Variants in MARK3 observed in about 807,000 individuals in gnomAD.
The protein encoded by MARK3 is microtubule affinity regulating kinase 3, also known as MAP/microtubule affinity-regulating kinase 3.
A neutral mutation model predicts 90.1 loss-of-function variants in MARK3; 46 were observed. The ratio of observed to expected loss-of-function variants is 0.51; its 90% confidence interval spans 0.40 to 0.65. The LOEUF (loss-of-function observed/expected upper bound fraction) is 0.65. Ranked by LOEUF, MARK3 falls within the 30% of genes least tolerant of loss-of-function variation. The pLI is 0.00. For missense variants in MARK3, 818 were observed against 947.2 expected (o/e 0.86, Z 1.79); for synonymous variants, 321 against 332.6 (o/e 0.97, Z 0.38).
At chr14:103,464,406 C>T (rs1239939529) in intron 7 of MARK3, among the ~76,000 whole-genome samples, 3 of 148,772 alleles carry the variant, frequency 2.0e-5, no homozygotes, top group Non-Finnish European at 4.4e-5. Flanking sequence ...TCAAGCGATT[C>T]TCCTGCCTCA....
intron 14 of MARK3, chr14:103,491,081 C>G (rs1225160112): frequency 2.3e-6 from 3 of 1,281,568 alleles, no homozygotes; most frequent in East Asian, 1.1e-4. Flanking sequence ...CTCCAATAGA[C>G]AGTGAAGGAG....
chr14:103,480,117 CT>C (rs1315196498), intron 13 of MARK3, among the ~76,000 whole-genome samples: 1 of 151,752 alleles, frequency 6.6e-6, no homozygotes, highest in Non-Finnish European at 1.5e-5. Flanking sequence ...AACACTGCAT[CT>C]CAAAAAAGAA....
chr14:103,452,450 G>A (rs1012461857), intron 5 of MARK3, among the ~76,000 whole-genome samples: 5 of 147,260 alleles, frequency 3.4e-5, no homozygotes, highest in African/African-American at 1.2e-4. Flanking sequence ...CCTCATACAA[G>A]TGGAATTTTA....
Position 103,419,410 on chromosome 14 carries a change from AT to A in MARK3, c.244-8975del, listed in dbSNP as rs1201025815. On this transcript the variant is annotated intron_variant, in intron 2 of 17. Coordinates refer to ENST00000429436, the MANE Select transcript of MARK3 (RefSeq NM_001128918.3). ...CTTAGGAAACTTAAAATATATATTA[AT>A]TCATCAAAAATAATAATCCTGTTAC... 3.3e-5 allele frequency among the ~76,000 whole-genome samples: 5 copies of A among 152,236 alleles called. 1 individual carries two copies. The highest frequency in any genetic ancestry group is 1.2e-4 in the African/African-American group (5 of 41,452).
intron 16 of MARK3, chr14:103,499,313 G>A (rs1438101255): frequency 6.6e-6 from 1 of 152,146 alleles, no homozygotes; most frequent in African/African-American, 2.4e-5. Context: ...ATAAAAATTA[G>A]CCGGGCATGG....
chr14:103,481,639 TCG>T (rs938771492), intron 14 of MARK3, among the ~76,000 whole-genome samples: 2 of 15,626 alleles, frequency 1.3e-4, no homozygotes, highest in African/African-American at 2.1e-4. Context: ...CTTTTATGAC[TCG>T]TGTGTGTGTG....
intron 1 of MARK3, among the ~76,000 whole-genome samples, chr14:103,402,767 G>C (rs556525432): frequency 2.0e-5 from 3 of 152,186 alleles, no homozygotes; most frequent in African/African-American, 7.2e-5. Flanking sequence ...TCTTCAGTAT[G>C]TATGAAGAAC....
intron 3 of MARK3, among the ~76,000 whole-genome samples, chr14:103,438,886 GC>G (rs1277065778): frequency 6.6e-6 from 1 of 151,850 alleles, no homozygotes; most frequent in Non-Finnish European, 1.5e-5. Context: ...TACTTAGGGG[GC>G]TGAGGCTGGA....
At chr14:103,411,095 A>G (rs898720716) in intron 2 of MARK3, among the ~76,000 whole-genome samples, 11 of 152,186 alleles carry the variant, frequency 7.2e-5, no homozygotes, top group Admixed American at 2.0e-4. Flanking sequence ...TAACACGGTG[A>G]AACCCTGTCT....
intron 2 of MARK3, among the ~76,000 whole-genome samples, chr14:103,419,647 G>A (rs1020540096): frequency 3.3e-5 from 5 of 152,018 alleles, no homozygotes; most frequent in Admixed American, 3.3e-4. Flanking sequence ...AAAAGGAAGG[G>A]AGCATATTAA....
At chr14:103,393,226 C>G (rs1402013674) in intron 1 of MARK3, among the ~76,000 whole-genome samples, 4 of 152,144 alleles carry the variant, frequency 2.6e-5, no homozygotes, top group Admixed American at 2.6e-4. Flanking sequence ...ATGATCCTCC[C>G]ACTTCCCTCC....
At chr14:103,499,864 T>TGTGGTGTGTGCA (rs1555406312) in intron 16 of MARK3, 9 of 16,976 alleles carry the variant, frequency 5.3e-4, no homozygotes, top group South Asian at 4.6e-3. Flanking sequence ...GTGCGTGGTG[T>TGTGGTGTGTGCA]GCGGTGTGTG....
rs2091742327 is a variant in MARK3 at position 103,412,952 on chromosome 14, A to G, written c.243+7685A>G. Among the ~76,000 whole-genome samples the G allele has an allele frequency of 2.0e-5, 3 of 149,912 alleles. No individual in the cohort carries two copies. In the Admixed American group the frequency reaches 2.0e-4, roughly 10 times the overall value. ...TGCAGTGGCGTGATCTCAGCTCACC[A>G]CAACCTCCGCCTCCTGGGTTCAAGC... is the stretch of plus-strand genomic sequence containing the variant. On this transcript the variant is annotated intron_variant, in intron 2 of 17. Transcript: ENST00000429436.
chr14:103,486,950 C>G (rs1386178413), intron 14 of MARK3, among the ~76,000 whole-genome samples: 2 of 151,994 alleles, frequency 1.3e-5, no homozygotes, highest in Admixed American at 1.3e-4. Context: ...AACAGTCTCT[C>G]TCTGTCACCC....
At chr14:103,436,409 C>CTT (rs71460676) in intron 3 of MARK3, among the ~76,000 whole-genome samples, 134 of 140,680 alleles carry the variant, frequency 9.5e-4, no homozygotes, top group African/African-American at 2.4e-3. Context: ...TCTTTTCTTT[C>CTT]TTTTTTTTTT....
intron 14 of MARK3, among the ~76,000 whole-genome samples, chr14:103,485,698 C>T (rs2093916429): frequency 6.6e-6 from 1 of 151,766 alleles, no homozygotes; most frequent in Non-Finnish European, 1.5e-5. Context: ...TTCAAAGTGC[C>T]TATCCTTTAG....
chr14:103,398,933 A>T (rs1279333095), intron 1 of MARK3, among the ~76,000 whole-genome samples: 1 of 152,228 alleles, frequency 6.6e-6, no homozygotes, highest in Non-Finnish European at 1.5e-5. Context: ...GTAAGGGCAC[A>T]CTTCTTTTGT....
chr14:103,466,055 C>G lies in MARK3; in HGVS notation c.861C>G (p.Phe287Leu), dbSNP rs1409550063. The stretch of plus-strand genomic sequence containing the variant: ...ACTGTGAAAACCTTCTCAAACGTTT[C>G]CTGGTGCTAAATCCAATTAAACGCG... Reference protein sequence around the residue: ...STDCENLLKRFLVLNPIKRGT... With the variant: ...STDCENLLKRLLVLNPIKRGT... The change falls in exon 9 of 18, where the codon TTC becomes TTG. Residue 287 changes from phenylalanine to leucine, a missense_variant. By Grantham distance (22) the Phe-to-Leu change is conservative. Transcript: ENST00000429436. The G allele has an allele frequency of 2.5e-6, 4 of 1,613,904 alleles. No individual in the cohort carries two copies. In the Admixed American group the frequency reaches 6.7e-5, roughly 27 times the overall value.
chr14:103,475,208 A>AGT lies in MARK3; in HGVS notation c.1482+1_1482+2dup, dbSNP rs2093694118. On this transcript the variant is annotated frameshift_variant and splice_region_variant, in exon 13 of 18. Transcript: ENST00000429436. LOFTEE classifies it high-confidence loss of function. Reference sequence around the variant, plus strand: ...ACGCAAGAAAAGCTCCACTGTCCCTAGTGTAAGTGTTGTTGAACTATAGAG... The same window carrying AGT: ...ACGCAAGAAAAGCTCCACTGTCCCTAGTGTGTAAGTGTTGTTGAACTATAGAG... 6.2e-7 allele frequency: 1 copy of AGT among 1,612,560 alleles called. No homozygotes were observed. Among genetic ancestry groups the AGT allele is most frequent in the Non-Finnish European group, 8.5e-7 (1 of 1,179,854 alleles).
Sources: gnomAD v4.1 joint callset for allele counts (sites outside exome capture counted in the v4.1 genomes callset) on GRCh38, gnomAD v4.1.1 for gene constraint, MANE v1.5 for transcripts, NCBI Gene and HGNC (gene_info 2026-07-23, HGNC 2026-07-21) for gene names.